USH2A: variants seen among roughly 807,000 people sequenced by gnomAD.
USH2A encodes Usher syndrome 2A (autosomal recessive, mild).
Under a neutral mutation model 538.9 loss-of-function variants are expected in USH2A, and 443 were observed. The ratio of observed to expected loss-of-function variants is 0.82; its 90% CI spans 0.76 to 0.89. USH2A has a LOEUF of 0.89. Among genes scored for constraint, USH2A ranks in the 40% least tolerant of loss-of-function variants. The pLI, the probability that USH2A is intolerant of heterozygous loss-of-function variation, is 0.00. For synonymous variants in USH2A, 2,413 were observed against 2,273.5 expected (o/e 1.06, Z -1.75); for missense variants, 6,633 against 6,324.8 (o/e 1.05, Z -1.65).
chr1:215,925,866 G>A (rs916747575), intron 38 of USH2A, among the ~76,000 whole-genome samples: 2 of 152,004 alleles, frequency 1.3e-5, no homozygotes, highest in African/African-American at 2.4e-5. Context: ...ATCTGTACTC[G>A]GCAAGCAAGC....
At chr1:216,286,947 G>T in intron 11 of USH2A, among the ~76,000 whole-genome samples, 1 of 151,976 alleles carries the variant, frequency 6.6e-6, no homozygotes, top group East Asian at 1.9e-4. Flanking sequence ...TTCATTTTAC[G>T]AGAGTATTAT....
At chr1:216,232,232 A>G in intron 13 of USH2A, 96 bp from the exon 14 acceptor site, 2 of 1,332,276 alleles carry the variant, frequency 1.5e-6, no homozygotes, top group Non-Finnish European at 2.1e-6. Flanking sequence ...AGAATACTCT[A>G]CCAAGGCACT....
chr1:215,913,181 C>A (rs906913555), intron 38 of USH2A, among the ~76,000 whole-genome samples: 2 of 152,132 alleles, frequency 1.3e-5, no homozygotes, highest in Non-Finnish European at 1.5e-5. Context: ...AGGCATCGTG[C>A]CAGGTGATGG....
intron 9 of USH2A, among the ~76,000 whole-genome samples, chr1:216,293,170 G>A (rs1368231307): frequency 1.3e-5 from 2 of 151,866 alleles, no homozygotes; most frequent in African/African-American, 2.4e-5. Flanking sequence ...GACTACAGGC[G>A]CCCGCCACCA....
intron 56 of USH2A, 99 bp from the exon 57 acceptor site, chr1:215,759,942 T>C: frequency 7.0e-7 from 1 of 1,424,786 alleles, no homozygotes; most frequent in South Asian, 1.2e-5. Context: ...ATTTTTTCTG[T>C]TGATTTTAAA....
intron 61 of USH2A, among the ~76,000 whole-genome samples, chr1:215,717,451 T>G (rs1020693608): frequency 6.6e-6 from 1 of 152,178 alleles, no homozygotes; most frequent in African/African-American, 2.4e-5. Context: ...TTCAGGAGTA[T>G]GGGCTAGAGT....
At chr1:215,865,424 A>G (rs1664443534) in intron 44 of USH2A, among the ~76,000 whole-genome samples, 2 of 152,184 alleles carry the variant, frequency 1.3e-5, no homozygotes, top group Non-Finnish European at 2.9e-5. Flanking sequence ...TCAGGAATGC[A>G]ATTATAACAT....
chr1:216,002,520 G>A (rs904687216), intron 32 of USH2A, among the ~76,000 whole-genome samples: 1 of 152,076 alleles, frequency 6.6e-6, no homozygotes, highest in Non-Finnish European at 1.5e-5. Context: ...AACCTATAGT[G>A]TTTCAACTGA....
chr1:216,186,936 T>C (rs529393073), intron 20 of USH2A, among the ~76,000 whole-genome samples: 2 of 151,950 alleles, frequency 1.3e-5, no homozygotes, highest in East Asian at 1.9e-4. Context: ...ATTGCCTTTT[T>C]AAAAAAGTCT....
intron 3 of USH2A, among the ~76,000 whole-genome samples, chr1:216,398,472 A>G (rs1048813290): frequency 1.3e-5 from 2 of 152,112 alleles, no homozygotes; most frequent in African/African-American, 4.8e-5. Flanking sequence ...CCTACAAGAG[A>G]AAACCTTTTT....
intron 32 of USH2A, among the ~76,000 whole-genome samples, chr1:216,014,839 G>A (rs963977571): frequency 4.6e-5 from 7 of 152,154 alleles, no homozygotes; most frequent in Non-Finnish European, 1.0e-4. Flanking sequence ...GCTATTTTAC[G>A]ATTGATTTCA....
intron 11 of USH2A, among the ~76,000 whole-genome samples, chr1:216,276,966 G>A (rs144540593): frequency 3.3e-5 from 5 of 151,724 alleles, no homozygotes; most frequent in African/African-American, 1.2e-4. Context: ...AAGCACTAAG[G>A]GTCACTATGA....
intron 56 of USH2A, among the ~76,000 whole-genome samples, chr1:215,761,778 G>A (rs957015902): frequency 4.6e-5 from 7 of 152,094 alleles, no homozygotes; most frequent in African/African-American, 1.4e-4. Flanking sequence ...CGATGGAGAA[G>A]CCAGCAGTGA....
Position 215,648,579 on chromosome 1 carries a change from G to T in USH2A, c.14531C>A (p.Thr4844Lys), listed in dbSNP as rs200570742. 10 of 1,614,068 alleles carry T rather than the reference G, an allele frequency of 6.2e-6. No homozygotes were observed. In the African/African-American group the frequency reaches 8.0e-5, roughly 13 times the overall value. The part of the protein sequence containing the change: ...SPQIGTLASR[T>K]ASFRWSPPMF... ...GGGGGGACTCCACCGGAAGGAGGCC[G>T]TCCTTGAGGCCAGCGTCCCGATTTG... is the stretch of plus-strand genomic sequence containing the variant. Residue 4844 changes from threonine to lysine, a missense_variant, in exon 66 of 72, where the codon ACG becomes AAG. By Grantham distance (78) the Thr-to-Lys change is moderately conservative (BLOSUM62 -1). Coordinates refer to ENST00000307340, the MANE Select transcript of USH2A (RefSeq NM_206933.4).
chr1:215,712,017 A>G (rs915819289), intron 61 of USH2A, among the ~76,000 whole-genome samples: 1 of 152,238 alleles, frequency 6.6e-6, no homozygotes, highest in Admixed American at 6.5e-5. Flanking sequence ...ACTAATAAAT[A>G]ATTATTGCTC....
chr1:216,289,184 G>T, intron 11 of USH2A, 96 bp downstream of exon 11: 1 of 1,568,594 alleles, frequency 6.4e-7, no homozygotes, highest in African/African-American at 1.4e-5. Context: ...GGATTTCCTG[G>T]CAAATGCAGT....
At chr1:215,658,005 CT>C (rs947407012) in intron 64 of USH2A, among the ~76,000 whole-genome samples, 1 of 147,074 alleles carries the variant, frequency 6.8e-6, no homozygotes, top group Non-Finnish European at 1.5e-5. Context: ...GTGATCTCGG[CT>C]GACTGCAAGC....
intron 3 of USH2A, among the ~76,000 whole-genome samples, chr1:216,397,491 G>T (rs1192078521): frequency 1.3e-5 from 2 of 152,142 alleles, no homozygotes; most frequent in African/African-American, 2.4e-5. Context: ...ATGTAGGTGG[G>T]TACCATCCAA....
intron 50 of USH2A, among the ~76,000 whole-genome samples, chr1:215,793,127 A>G (rs1260099065): frequency 6.6e-6 from 1 of 152,182 alleles, no homozygotes; most frequent in East Asian, 1.9e-4. Context: ...ACCAATGCTT[A>G]TTTCATATCT....
Sources: allele counts gnomAD v4.1 joint callset (sites outside exome capture counted in the v4.1 genomes callset), GRCh38; gene constraint gnomAD v4.1.1; transcripts MANE v1.5; gene names NCBI Gene and HGNC (gene_info 2026-07-23, HGNC 2026-07-21).